The following IL4R variants were observed in gnomAD, a reference collection of about 807,000 sequenced individuals.
The protein encoded by IL4R is interleukin 4 receptor, also known as interleukin-4 receptor subunit alpha.
A neutral mutation model predicts 41.5 loss-of-function variants in IL4R; 17 were observed. The observed-to-expected ratio is 0.41, with a 90% CI of 0.28 to 0.61. IL4R has a LOEUF of 0.61. IL4R is among the 20% of genes least tolerant of loss of function. The pLI is 0.31. For synonymous variants in IL4R, 402 were observed against 422.9 expected, an observed-to-expected ratio of 0.95 and a Z score of 0.61; for missense variants, 974 against 1,043.1, an observed-to-expected ratio of 0.93 and a Z score of 0.91.
rs569379345 is a variant in IL4R at position 27,354,974 on chromosome 16, G to A, written c.671-834G>A. The A allele has an allele frequency of 2.4e-5, 11 of 463,124 alleles. No homozygotes were observed. In the East Asian group the frequency reaches 6.4e-4, roughly 27 times the overall value. 28.7% of individuals were successfully genotyped at this position (463,124 alleles called of 1,614,324 possible). ...TTGGCATGGGGAAGGGAACTAGCTT[G>A]TATGAAACAGATAACAATGTATGGG... On this transcript the variant is annotated intron_variant, in intron 7 of 10. Coordinates refer to ENST00000395762, the MANE Select transcript of IL4R (RefSeq NM_000418.4).
In IL4R at chr16:27,362,775, C is replaced by A. The variant is rs760546415; in HGVS notation, c.1423C>A (p.Pro475Thr). The change falls in exon 11 of 11, where the codon CCG becomes ACG. Residue 475 changes from proline (P) to threonine (T), a missense_variant. This residue lies in a region of IL4R where 682 missense variants were observed against 704.3 expected (regional missense o/e 0.97). Coordinates refer to ENST00000395762, the MANE Select transcript of IL4R (RefSeq NM_000418.4). ...LHLEPSPPAS[P>T]TQSPDNLTCT... ...CCTGGAGCCAAGTCCTCCTGCCAGC[C>A]CGACCCAGAGTCCAGACAACCTGAC... is the stretch of plus-strand genomic sequence containing the variant. The A allele has an allele frequency of 6.2e-7, 1 of 1,614,140 alleles. No individual in the cohort carries two copies. The highest frequency in any genetic ancestry group is 1.1e-5 in the South Asian group (1 of 91,088).
At chr16:27,352,474 A>G (rs2085910938) in intron 6 of IL4R, 66 bp from the exon 7 acceptor site, 1 of 1,430,666 alleles carries the variant, frequency 7.0e-7, no homozygotes, top group African/African-American at 1.4e-5. Flanking sequence ...AACGACAGCA[A>G]CCAGGGTGGG....
At chr16:27,357,620 C>T (rs1012384147) in intron 8 of IL4R, among the ~76,000 whole-genome samples, 16 of 150,856 alleles carry the variant, frequency 1.1e-4, no homozygotes, top group African/African-American at 3.9e-4. Flanking sequence ...TGTGCCACGA[C>T]ACCCAGCTAA....
chr16:27,353,034 A>C lies in IL4R; in HGVS notation c.670+338A>C, dbSNP rs3024615. Among the ~76,000 whole-genome samples, 426 of 152,348 alleles carry C rather than the reference A, an allele frequency of 2.8e-3. 3 individuals carry two copies. The highest frequency in any genetic ancestry group is 9.7e-3 in the African/African-American group (405 of 41,582). On this transcript the variant is annotated intron_variant, in intron 7 of 10. Coordinates refer to ENST00000395762, the MANE Select transcript of IL4R (RefSeq NM_000418.4). ...CCATCTTGTGGTGCCGTCATTCTCC[A>C]GGACAAAGATTCTTACCTACTTTTG...
rs748826199 is a variant in IL4R, at chr16:27,362,664, A to C, written c.1312A>C (p.Ser438Arg). Reference protein sequence around the residue: ...GESCLLPPSGSTSAHMPWDEF... With the variant: ...GESCLLPPSGRTSAHMPWDEF... The stretch of plus-strand genomic sequence containing the variant: ...GTCATGCCTTCTTCCACCTTCGGGA[A>C]GTACGAGTGCTCACATGCCCTGGGA... The change falls in exon 11 of 11, where the codon AGT becomes CGT. Residue 438 changes from serine (S) to arginine (R), a missense_variant. Ser to Arg is a moderately radical substitution (Grantham distance 110, BLOSUM62 -1). This residue lies in a region of IL4R where 682 missense variants were observed against 704.3 expected (regional missense o/e 0.97). Coordinates refer to ENST00000395762, the MANE Select transcript of IL4R (RefSeq NM_000418.4). 4 of 1,614,016 alleles carry C rather than the reference A, an allele frequency of 2.5e-6. No individual in the cohort carries two copies. The highest frequency in any genetic ancestry group is 3.4e-6 in the Non-Finnish European group (4 of 1,180,012).
chr16:27,355,790 T>C lies in IL4R; in HGVS notation c.671-18T>C. On this transcript the variant is annotated intron_variant, in intron 7 of 10. Coordinates refer to ENST00000395762, the MANE Select transcript of IL4R (RefSeq NM_000418.4). ...ACCATGGCTGACCTCAGCTCATGGC[T>C]TCCCCTCCCACTTCCAGCCTACAGG... is the stretch of plus-strand genomic sequence containing the variant. The C allele has an allele frequency of 6.3e-7, 1 of 1,586,940 alleles. No homozygotes were observed. Among genetic ancestry groups the C allele is most frequent in the Non-Finnish European group, 8.6e-7 (1 of 1,156,966 alleles).
chr16:27,343,487 C>G (rs1468332719), intron 4 of IL4R, among the ~76,000 whole-genome samples: 1 of 152,148 alleles, frequency 6.6e-6, no homozygotes, highest in East Asian at 1.9e-4. Context: ...AGTGCAGTGG[C>G]ACAATCTCGG....
chr16:27,338,622 A>C (rs978512077), intron 2 of IL4R, among the ~76,000 whole-genome samples: 15 of 152,076 alleles, frequency 9.9e-5, no homozygotes, highest in Admixed American at 7.2e-4. Flanking sequence ...ATATTAAGAG[A>C]TGGGGCCTTT....
intron 1 of IL4R, chr16:27,318,725 C>T (rs548252787): frequency 2.0e-5 from 3 of 152,354 alleles, no homozygotes; most frequent in East Asian, 1.9e-4. Flanking sequence ...ACCTCTCGGC[C>T]GAGGATGGTG....
rs370734074 is a variant in IL4R, at chr16:27,363,493, C to T, written c.2141C>T (p.Ser714Leu). ...AGCCTGGGCAGTGGCATTGTCTACTCAGCCCTTACCTGCCACCTGTGCGGC... is the reference window on the plus strand; with the variant it reads ...AGCCTGGGCAGTGGCATTGTCTACTTAGCCCTTACCTGCCACCTGTGCGGC... ...VDSLGSGIVY[S>L]ALTCHLCGHL... The change falls in exon 11 of 11, where the codon TCA becomes TTA. Residue 714 changes from serine (S) to leucine (L), a missense_variant. Physicochemically the swap from Ser to Leu is moderately radical, Grantham distance 145. Transcript: ENST00000395762. 1 of 1,614,128 alleles carries T rather than the reference C, an allele frequency of 6.2e-7. No homozygotes were observed. Among genetic ancestry groups the T allele is most frequent in the Non-Finnish European group, 8.5e-7 (1 of 1,179,990 alleles).
rs577713564 is a variant in IL4R at position 27,314,105 on chromosome 16, C to T, written c.-152+85C>T. The T allele has an allele frequency of 6.4e-4, 634 of 985,144 alleles. 8 individuals are homozygous for T. In the African/African-American group the frequency reaches 0.01, roughly 16 times the overall value. The allele number at this position is 985,144 out of a possible 1,614,324, so 61.0% of individuals were successfully genotyped here. ...TGAGGGCGTTCGGGAAGGGCTCGGC[C>T]GCCGGCGGGGACCACGGGGACCACC... On this transcript the variant is annotated intron_variant, in intron 1 of 10. Transcript: ENST00000395762.
At chr16:27,338,317 A>G (rs932459643) in intron 2 of IL4R, among the ~76,000 whole-genome samples, 1 of 151,812 alleles carries the variant, frequency 6.6e-6, no homozygotes, top group African/African-American at 2.4e-5. Flanking sequence ...TCCCAGGCTC[A>G]AACGATCTTC....
At chr16:27,322,150 A>G (rs986759237) in intron 1 of IL4R, among the ~76,000 whole-genome samples, 3 of 151,974 alleles carry the variant, frequency 2.0e-5, no homozygotes, top group South Asian at 2.1e-4. Context: ...TACAATTACA[A>G]TTCACCATAA....
intron 1 of IL4R, among the ~76,000 whole-genome samples, chr16:27,316,147 G>A (rs1057308849): frequency 7.2e-5 from 11 of 152,090 alleles, no homozygotes; most frequent in African/African-American, 2.7e-4. Flanking sequence ...AGAGAGGATC[G>A]CTTGAACCCA....
At chr16:27,349,369 C>A (rs1310463114) in intron 6 of IL4R, among the ~76,000 whole-genome samples, 1 of 152,182 alleles carries the variant, frequency 6.6e-6, no homozygotes, top group African/African-American at 2.4e-5. Context: ...TAGGAACTTA[C>A]TATAGAATTT....
chr16:27,353,338 A>G (rs1460361408), intron 7 of IL4R, among the ~76,000 whole-genome samples: 2 of 149,742 alleles, frequency 1.3e-5, no homozygotes, highest in African/African-American at 4.9e-5. Flanking sequence ...ATAAATAAAT[A>G]CAATGAAATA....
intron 3 of IL4R, among the ~76,000 whole-genome samples, chr16:27,341,582 C>T (rs544000241): frequency 6.6e-6 from 1 of 152,116 alleles, no homozygotes. Context: ...AGGAGAAGGA[C>T]CCCGATGTCT....
upstream of IL4R, chr16:27,313,853 C>A: frequency 1.1e-6 from 1 of 905,330 alleles, no homozygotes; most frequent in Non-Finnish European, 1.3e-6. Context: ...CCGGGCGGGG[C>A]GGCGCATGCA....
At chr16:27,349,811 G>A (rs1305617996) in intron 6 of IL4R, among the ~76,000 whole-genome samples, 5 of 152,174 alleles carry the variant, frequency 3.3e-5, no homozygotes, top group South Asian at 2.1e-4. Context: ...ATGCAGGGGC[G>A]TGATCATGGC....
Sources: allele counts gnomAD v4.1 joint callset (sites outside exome capture counted in the v4.1 genomes callset), GRCh38; gene constraint gnomAD v4.1.1; regional missense constraint gnomAD v4.1.1; transcripts MANE v1.5; gene names NCBI Gene and HGNC (gene_info 2026-07-23, HGNC 2026-07-21).